UBAC2: variants seen among roughly 807,000 people sequenced by gnomAD.
UBAC2 encodes UBA domain containing 2.
Under a neutral mutation model 44.0 loss-of-function variants are expected in UBAC2, and 26 were observed. That is an observed-to-expected ratio of 0.59 (90% CI 0.43 to 0.82). UBAC2 has a LOEUF of 0.82. Ranked by LOEUF, UBAC2 falls within the 40% of genes least tolerant of loss-of-function variation. The probability of loss-of-function intolerance (pLI) is 0.00; values close to 1 mark genes in which losing one functional copy is unlikely to be tolerated. For missense variants in UBAC2, 329 were observed against 419.4 expected (o/e 0.78, Z 1.88); for synonymous variants, 155 against 154.3 (o/e 1.00, Z -0.04).
chr13:99,277,840 A>C (rs1460594992), intron 4 of UBAC2, among the ~76,000 whole-genome samples: 1 of 152,104 alleles, frequency 6.6e-6, no homozygotes, highest in Admixed American at 6.6e-5. Context: ...TCAAGCCTCT[A>C]ATCTGGAGGT....
chr13:99,307,130 C>T (rs1164694500), intron 4 of UBAC2, among the ~76,000 whole-genome samples: 1 of 151,958 alleles, frequency 6.6e-6, no homozygotes, highest in African/African-American at 2.4e-5. Flanking sequence ...TCTGGTGGAC[C>T]CATCGCTTTC....
intron 1 of UBAC2, among the ~76,000 whole-genome samples, chr13:99,218,223 T>C (rs1243185541): frequency 6.6e-6 from 1 of 152,238 alleles, no homozygotes; most frequent in African/African-American, 2.4e-5. Flanking sequence ...TTAATGTTTG[T>C]ATAAAATCTC....
Position 99,347,319 on chromosome 13 carries a change from GCCCCCCCC to G in UBAC2, c.807+6762_807+6769del, listed in dbSNP as rs3031439. On this transcript the variant is annotated intron_variant, in intron 7 of 8. Coordinates refer to ENST00000403766, the MANE Select transcript of UBAC2 (RefSeq NM_001144072.2). ...GATTCAGACGTTACTATCCCCGGGCGCCCCCCCCCCCCCCCAGGAAAAAAAAGGCAAGT... is the reference window on the plus strand; with the variant it reads ...GATTCAGACGTTACTATCCCCGGGCGCCCCCCCAGGAAAAAAAAGGCAAGT... Among the ~76,000 whole-genome samples, 7 of 20,554 alleles carry G rather than the reference GCCCCCCCC, an allele frequency of 3.4e-4. No individual in the cohort carries two copies. In the South Asian group the frequency reaches 6.1e-3, roughly 18 times the overall value. 13.5% of individuals were successfully genotyped at this position (20,554 alleles called of 152,430 possible). A position where few individuals can be genotyped will look rare whatever the true frequency, so the allele number is the denominator to read the frequency against.
intron 6 of UBAC2, among the ~76,000 whole-genome samples, chr13:99,338,039 C>CTTTTTTGTTT (rs1566509471): frequency 1.1e-5 from 1 of 91,562 alleles, no homozygotes; most frequent in African/African-American, 5.0e-5. Context: ...AACTTTTTTT[C>CTTTTTTGTTT]TTTTTTTCTT....
chr13:99,292,476 A>G (rs886669052), intron 4 of UBAC2, among the ~76,000 whole-genome samples: 3 of 152,126 alleles, frequency 2.0e-5, no homozygotes, highest in Non-Finnish European at 4.4e-5. Flanking sequence ...TTAATTTATC[A>G]GGGTGCCTGT....
At chr13:99,282,139 T>G (rs2043962066) in intron 4 of UBAC2, among the ~76,000 whole-genome samples, 1 of 152,200 alleles carries the variant, frequency 6.6e-6, no homozygotes, top group Non-Finnish European at 1.5e-5. Context: ...CTCCACCCAG[T>G]GTATGCTGTT....
At chr13:99,350,849 T>A (rs933896616) in intron 7 of UBAC2, among the ~76,000 whole-genome samples, 4 of 152,190 alleles carry the variant, frequency 2.6e-5, no homozygotes, top group Non-Finnish European at 4.4e-5. Flanking sequence ...TGGGCTCTGA[T>A]GTTATCTCCT....
intron 4 of UBAC2, among the ~76,000 whole-genome samples, chr13:99,287,879 T>C (rs2044040399): frequency 6.6e-6 from 1 of 152,188 alleles, no homozygotes; most frequent in East Asian, 1.9e-4. Flanking sequence ...CAATAATACA[T>C]GAAATGGCAC....
intron 6 of UBAC2, among the ~76,000 whole-genome samples, chr13:99,335,679 G>A (rs183911182): frequency 1.1e-4 from 17 of 152,324 alleles, no homozygotes; most frequent in African/African-American, 3.8e-4. Flanking sequence ...TGGCTGTATA[G>A]TACTGTGTTG....
At chr13:99,202,655 T>C (rs1411461299) in intron 1 of UBAC2, among the ~76,000 whole-genome samples, 1 of 152,180 alleles carries the variant, frequency 6.6e-6, no homozygotes, top group African/African-American at 2.4e-5. Flanking sequence ...TGGTGGTGAG[T>C]GTTGAATTCT....
intron 4 of UBAC2, chr13:99,255,535 G>T: frequency 6.2e-7 from 1 of 1,614,080 alleles, no homozygotes; most frequent in Non-Finnish European, 8.5e-7. Context: ...ACTAATAAAG[G>T]CAAGAAGCCA....
At chr13:99,369,092 G>A (rs2045372383) in intron 8 of UBAC2, among the ~76,000 whole-genome samples, 1 of 152,148 alleles carries the variant, frequency 6.6e-6, no homozygotes, top group African/African-American at 2.4e-5. Flanking sequence ...TACATACACT[G>A]GAGGGAAGGA....
At chr13:99,207,756 G>T (rs1256431507) in intron 1 of UBAC2, among the ~76,000 whole-genome samples, 1 of 152,096 alleles carries the variant, frequency 6.6e-6, no homozygotes, top group African/African-American at 2.4e-5. Flanking sequence ...GGACTGGTGG[G>T]GTCATTTGAG....
chr13:99,340,630 G>T (rs1390298804), intron 7 of UBAC2, 65 bp downstream of exon 7: 1 of 1,520,140 alleles, frequency 6.6e-7, no homozygotes, highest in Non-Finnish European at 8.9e-7. Flanking sequence ...TCTTTCCTCT[G>T]TGATTGCATG....
In UBAC2 at chr13:99,314,139, C is replaced by T. The variant is rs754046548; in HGVS notation, c.432C>T (p.Ser144=). The change falls in exon 5 of 9, where the codon TCC becomes TCT. Residue 144 remains serine, a synonymous_variant. Coordinates refer to ENST00000403766, the MANE Select transcript of UBAC2 (RefSeq NM_001144072.2). ...CTCTGTTTGTACCATTTTACTGCTC[C>T]ATACCAAGAGTCCAAGTGGCACAAA... ...VFALFVPFYC[S]IPRVQVAQIL... The T allele has an allele frequency of 3.1e-6, 5 of 1,613,774 alleles. No individual in the cohort carries two copies.
At chr13:99,213,281 C>T (rs2042955052) in intron 1 of UBAC2, among the ~76,000 whole-genome samples, 1 of 151,836 alleles carries the variant, frequency 6.6e-6, no homozygotes, top group Non-Finnish European at 1.5e-5. Flanking sequence ...TCTCGAACTC[C>T]TAACCTCAGG....
intron 1 of UBAC2, among the ~76,000 whole-genome samples, chr13:99,212,238 C>T (rs1327978943): frequency 6.6e-6 from 1 of 152,148 alleles, no homozygotes. Flanking sequence ...CTTGCTAAAG[C>T]ATATCTCATC....
chr13:99,278,428 C>T (rs1444292624), intron 4 of UBAC2, among the ~76,000 whole-genome samples: 1 of 152,118 alleles, frequency 6.6e-6, no homozygotes, highest in Non-Finnish European at 1.5e-5. Flanking sequence ...TCTCGAATTG[C>T]AACCGTTGGA....
At chr13:99,237,008 C>T (rs2043241678) in intron 1 of UBAC2, among the ~76,000 whole-genome samples, 1 of 151,900 alleles carries the variant, frequency 6.6e-6, no homozygotes, top group Non-Finnish European at 1.5e-5. Flanking sequence ...ATATGATCCA[C>T]TACTGGATAT....
Sources: allele counts gnomAD v4.1 joint callset (sites outside exome capture counted in the v4.1 genomes callset), GRCh38; gene constraint gnomAD v4.1.1; transcripts MANE v1.5; gene names NCBI Gene and HGNC (gene_info 2026-07-23, HGNC 2026-07-21).